DNAH7: variants seen among roughly 807,000 people sequenced by gnomAD.
The protein encoded by DNAH7 is dynein axonemal heavy chain 7.
Under a neutral mutation model 444.6 loss-of-function variants are expected in DNAH7, and 397 were observed. The ratio of observed to expected loss-of-function variants is 0.89; its 90% CI spans 0.82 to 0.97. The LOEUF is 0.97. Ranked by LOEUF, DNAH7 falls within the 50% of genes least tolerant of loss-of-function variation. DNAH7 has a pLI of 0.00. For synonymous variants in DNAH7, 1,636 were observed against 1,624.4 expected, an observed-to-expected ratio of 1.01 and a Z score of -0.17; for missense variants, 4,902 against 4,800.8, an observed-to-expected ratio of 1.02 and a Z score of -0.62.
intron 18 of DNAH7, among the ~76,000 whole-genome samples, chr2:195,958,484 G>T (rs1690851004): frequency 6.6e-6 from 1 of 152,078 alleles, no homozygotes; most frequent in African/African-American, 2.4e-5. Flanking sequence ...TTATATGCAG[G>T]TTTTCAACTG....
chr2:195,939,496 T>G (rs1208798186), intron 19 of DNAH7, among the ~76,000 whole-genome samples: 1 of 152,102 alleles, frequency 6.6e-6, no homozygotes, highest in Non-Finnish European at 1.5e-5. Context: ...CACAGAAGGC[T>G]GGTACTTCAT....
chr2:195,895,380 TTTTC>T (rs1311454721), intron 29 of DNAH7, among the ~76,000 whole-genome samples, 156 bp from the exon 30 acceptor site: 1 of 152,216 alleles, frequency 6.6e-6, no homozygotes, highest in Non-Finnish European at 1.5e-5. Context: ...ACGTGTATTT[TTTTC>T]TTTTTTTCAA....
At position 195,990,826 on chromosome 2, in the gene DNAH7, T is replaced by G. The variant is rs925740527; in HGVS notation, c.1354-2597A>C. On this transcript the variant is annotated intron_variant, in intron 12 of 64. Coordinates refer to ENST00000312428, the MANE Select transcript of DNAH7 (RefSeq NM_018897.3). ...GTGTGTGTGTGTATATATATATACT[T>G]AAATATATATACATATATATACTTA... Among the ~76,000 whole-genome samples, 3 of 144,934 alleles carry G rather than the reference T, an allele frequency of 2.1e-5. No homozygotes were observed. The East Asian group carries it at 5.9e-4, about 29-fold the overall frequency.
At chr2:195,837,445 T>C (rs1223007556) in intron 47 of DNAH7, among the ~76,000 whole-genome samples, 2 of 152,142 alleles carry the variant, frequency 1.3e-5, no homozygotes, top group East Asian at 1.9e-4. Flanking sequence ...AAGTAAATAA[T>C]AACAAGTGAA....
intron 19 of DNAH7, among the ~76,000 whole-genome samples, chr2:195,955,006 C>T (rs146412227): frequency 0.091 from 13,850 of 152,042 alleles, 874 homozygotes; most frequent in African/African-American, 0.18. Flanking sequence ...TTTCTTTTGC[C>T]GTGCAGAAGC....
intron 27 of DNAH7, chr2:195,903,410 A>G (rs1686825343): frequency 6.6e-6 from 1 of 152,146 alleles, no homozygotes; most frequent in Non-Finnish European, 1.5e-5. Flanking sequence ...GTTTCACCCT[A>G]CATATACTCT....
intron 22 of DNAH7, among the ~76,000 whole-genome samples, chr2:195,924,014 A>G (rs1688184827): frequency 6.6e-6 from 1 of 152,094 alleles, no homozygotes; most frequent in South Asian, 2.1e-4. Context: ...GATATATGTA[A>G]TTTGTGTCTA....
At chr2:195,939,845 T>C (rs2125429680) in intron 19 of DNAH7, among the ~76,000 whole-genome samples, 1 of 151,068 alleles carries the variant, frequency 6.6e-6, no homozygotes, top group South Asian at 2.1e-4. Flanking sequence ...GAAAATACGG[T>C]TTTGTCACTG....
chr2:195,910,232 T>C, intron 24 of DNAH7, 37 bp from the exon 25 acceptor site: 2 of 1,473,652 alleles, frequency 1.4e-6, no homozygotes, highest in Admixed American at 2.4e-5. Context: ...TGTAGAATAA[T>C]GTGATTTTTT....
intron 10 of DNAH7, among the ~76,000 whole-genome samples, chr2:196,008,257 G>A (rs1694506219): frequency 6.6e-6 from 1 of 151,954 alleles, no homozygotes; most frequent in Non-Finnish European, 1.5e-5. Flanking sequence ...CCACGAGGGT[G>A]GCTACAAGCA....
At chr2:196,016,617 G>C (rs147741268) in intron 9 of DNAH7, among the ~76,000 whole-genome samples, 126 of 152,324 alleles carry the variant, frequency 8.3e-4, no homozygotes, top group Non-Finnish European at 1.6e-3. Context: ...TAGAAGGTCA[G>C]AATATGTGTT....
At chr2:195,778,041 G>A in intron 58 of DNAH7, 56 bp from the exon 59 acceptor site, 1 of 1,393,930 alleles carries the variant, frequency 7.2e-7, no homozygotes, top group South Asian at 1.9e-5. Flanking sequence ...ACAGAATCGT[G>A]TTTCTTGTTT....
chr2:195,847,059 C>CATATATAT (rs57926663), intron 46 of DNAH7, among the ~76,000 whole-genome samples: 17 of 139,708 alleles, frequency 1.2e-4, no homozygotes, highest in Admixed American at 7.3e-4. Flanking sequence ...TATAAACTCC[C>CATATATAT]ATATATATAT....
rs576729651 is a variant in DNAH7 at position 195,794,264 on chromosome 2, A to G, written c.10716+74T>C. 2.1e-6 allele frequency: 3 copies of G among 1,430,666 alleles called. No homozygotes were observed. In the African/African-American group the frequency reaches 4.2e-5, roughly 20 times the overall value. 88.6% of individuals were successfully genotyped at this position (1,430,666 alleles called of 1,614,324 possible). ...TTTAATTTTTAGTTTTACTCAGTGC[A>G]CACATCCATGATCACCAGGGGCCAC... On this transcript the variant is annotated intron_variant, in intron 57 of 64. Transcript: ENST00000312428.
At chr2:195,963,187 A>C (rs1431931733) in intron 17 of DNAH7, among the ~76,000 whole-genome samples, 1 of 152,234 alleles carries the variant, frequency 6.6e-6, no homozygotes, top group South Asian at 2.1e-4. Context: ...AGGAAGCTGC[A>C]AACTGTTCTC....
chr2:195,982,776 T>C (rs1034058005), intron 15 of DNAH7, among the ~76,000 whole-genome samples: 1 of 152,146 alleles, frequency 6.6e-6, no homozygotes, highest in Admixed American at 6.6e-5. Flanking sequence ...ATTAGAACAA[T>C]TGAACTCATG....
At chr2:195,975,888 G>A (rs1236339655) in intron 15 of DNAH7, among the ~76,000 whole-genome samples, 1 of 152,282 alleles carries the variant, frequency 6.6e-6, no homozygotes, top group South Asian at 2.1e-4. Context: ...AAGAGCCCTT[G>A]GGCACTGAAT....
intron 57 of DNAH7, among the ~76,000 whole-genome samples, chr2:195,791,611 T>G (rs1399157718): frequency 1.3e-5 from 2 of 152,162 alleles, no homozygotes; most frequent in Non-Finnish European, 2.9e-5. Context: ...AACTCATATA[T>G]TCTCAGCACT....
rs1414188757 is a variant in DNAH7, at chr2:196,026,805, C to A, written c.622G>T (p.Asp208Tyr). ...AGAAGATAATCCTCTCTCATTTCAT[C>A]AGATAATGTAACTATGCTGTCAGTG... ...VFTDSIVTLS[D>Y]EMREDYLLSV... is the part of the protein sequence containing the mutation. The change falls in exon 7 of 65, where the codon GAT becomes TAT. Residue 208 changes from aspartate to tyrosine, a missense_variant. Physicochemically the swap from Asp to Tyr is radical, Grantham distance 160. Transcript: ENST00000312428. The A allele has an allele frequency of 1.9e-6, 3 of 1,612,452 alleles. No individual in the cohort carries two copies. Among genetic ancestry groups the A allele is most frequent in the East Asian group, 2.2e-5 (1 of 44,734 alleles).
Sources: gnomAD v4.1 joint callset for allele counts (sites outside exome capture counted in the v4.1 genomes callset) on GRCh38, gnomAD v4.1.1 for gene constraint, MANE v1.5 for transcripts, NCBI Gene and HGNC (gene_info 2026-07-23, HGNC 2026-07-21) for gene names.